RBMS2: variants seen among roughly 807,000 people sequenced by gnomAD.
RBMS2 encodes the protein RNA-binding motif, single-stranded-interacting protein 2.
RBMS2 carries 38 observed loss-of-function variants against 58.4 expected under a neutral mutation model. The observed-to-expected ratio is 0.65, with a 90% confidence interval of 0.50 to 0.85. RBMS2 has a LOEUF of 0.85. Among genes scored for constraint, RBMS2 ranks in the 40% least tolerant of loss-of-function variants. RBMS2 has a pLI of 0.00. For synonymous variants in RBMS2, 151 were observed against 180.7 expected, an observed-to-expected ratio of 0.84 and a Z score of 1.32; for missense variants, 367 against 503.7, an observed-to-expected ratio of 0.73 and a Z score of 2.60.
intron 5 of RBMS2, among the ~76,000 whole-genome samples, chr12:56,572,118 G>A (rs1882395884): frequency 6.6e-6 from 1 of 151,700 alleles, no homozygotes; most frequent in Admixed American, 6.6e-5. Context: ...GTGAAACCCC[G>A]TCTCTACTAA....
intron 5 of RBMS2, among the ~76,000 whole-genome samples, chr12:56,574,998 A>G (rs1393564590): frequency 6.6e-6 from 1 of 151,878 alleles, no homozygotes; most frequent in African/African-American, 2.4e-5. Flanking sequence ...AATACAAAAA[A>G]TTAGCCGGGC....
rs1277699323 is a variant in RBMS2 at position 56,593,097 on chromosome 12, T to C, written c.*3964T>C. 1 of 151,476 alleles carries C rather than the reference T, an allele frequency of 6.6e-6. No individual in the cohort carries two copies. The highest frequency in any genetic ancestry group is 6.6e-5 in the Admixed American group (1 of 15,220). 9.4% of individuals were successfully genotyped at this position (151,476 alleles called of 1,614,324 possible). On this transcript the variant is annotated 3_prime_UTR_variant, in exon 14 of 14. Coordinates refer to ENST00000262031, the MANE Select transcript of RBMS2 (RefSeq NM_002898.4). ...CTATGATTACAGGTGTGAGCCTCCA[T>C]GCTTGGATGAGATGTTGTTTTTAAT...
chr12:56,586,774 TG>T, intron 9 of RBMS2, 74 bp from the exon 10 acceptor site: 1 of 1,297,216 alleles, frequency 7.7e-7, no homozygotes, highest in Non-Finnish European at 1.1e-6. Flanking sequence ...TTCTGAGCTT[TG>T]TTGAACATTA....
rs1885370439 is a variant in RBMS2 at position 56,592,500 on chromosome 12, A to C, written c.*3367A>C. The C allele has an allele frequency of 6.6e-6, 1 of 151,896 alleles. No individual in the cohort carries two copies. The highest frequency in any genetic ancestry group is 1.5e-5 in the Non-Finnish European group (1 of 67,984). 9.4% of individuals were successfully genotyped at this position (151,896 alleles called of 1,614,324 possible). ...GGAAGATGTGGAGATGATGATGGAG[A>C]GAGATGTTTTTATTTTATTTTATTT... On this transcript the variant is annotated 3_prime_UTR_variant, in exon 14 of 14. Transcript: ENST00000262031.
intron 9 of RBMS2, among the ~76,000 whole-genome samples, chr12:56,583,748 C>G (rs1884296761): frequency 6.6e-6 from 1 of 152,030 alleles, no homozygotes; most frequent in South Asian, 2.1e-4. Context: ...TGAATTTAAC[C>G]ATTTCATTTG....
chr12:56,583,923 G>T (rs1884319165), intron 9 of RBMS2, among the ~76,000 whole-genome samples: 1 of 152,116 alleles, frequency 6.6e-6, no homozygotes, highest in Non-Finnish European at 1.5e-5. Flanking sequence ...TTTTTTGGCT[G>T]TTGAATTTGT....
At chr12:56,560,366 T>C (rs1266909028) in intron 1 of RBMS2, among the ~76,000 whole-genome samples, 1 of 151,610 alleles carries the variant, frequency 6.6e-6, no homozygotes, top group African/African-American at 2.4e-5. Context: ...ACACCATTCT[T>C]CTGCCTCAGC....
rs1177716279 is a variant in RBMS2 at position 56,589,448 on chromosome 12, T to C, written c.*315T>C. On this transcript the variant is annotated 3_prime_UTR_variant, in exon 14 of 14. Transcript: ENST00000262031. ...AACTGCAACGTACTTTTCCCCTACC[T>C]TGAAGAGACATGGTGGTCGCAGCTT... 2 of 437,006 alleles carry C rather than the reference T, an allele frequency of 4.6e-6. No individual in the cohort carries two copies. The highest frequency in any genetic ancestry group is 4.2e-5 in the African/African-American group (2 of 47,314). The allele number at this position is 437,006 out of a possible 1,614,324, so 27.1% of individuals were successfully genotyped here.
intron 1 of RBMS2, among the ~76,000 whole-genome samples, chr12:56,559,623 G>A (rs1879984704): frequency 1.3e-5 from 2 of 150,082 alleles, no homozygotes; most frequent in Admixed American, 6.6e-5. Context: ...AGGCCAAGAC[G>A]GGCGGATCAC....
At position 56,595,595 on chromosome 12, in the gene RBMS2, A is replaced by C. The variant is rs939053936; in HGVS notation, c.*6462A>C. On this transcript the variant is annotated 3_prime_UTR_variant, in exon 14 of 14. Coordinates refer to ENST00000262031, the MANE Select transcript of RBMS2 (RefSeq NM_002898.4). ...TTTTTTTTTTTAAATAAAACACAAA[A>C]GTCTACGTCTTGGTGTCTTATCCGT... 6.6e-6 allele frequency: 1 copy of C among 151,900 alleles called. No individual in the cohort carries two copies. The highest frequency in any genetic ancestry group is 1.5e-5 in the Non-Finnish European group (1 of 67,982). 9.4% of individuals were successfully genotyped at this position (151,900 alleles called of 1,614,324 possible). A position where few individuals can be genotyped will look rare whatever the true frequency, so the allele number is the denominator to read the frequency against.
intron 5 of RBMS2, chr12:56,580,326 A>C (rs1295087046): frequency 7.5e-6 from 3 of 401,472 alleles, no homozygotes; most frequent in South Asian, 5.2e-5. Context: ...TCTGCCTCCC[A>C]GGTTCAAGCG....
At position 56,549,603 on chromosome 12, in the gene RBMS2, G is replaced by A. The variant is rs933897558; in HGVS notation, c.67-12814G>A. 3.9e-5 allele frequency among the ~76,000 whole-genome samples: 6 copies of A among 151,996 alleles called. No homozygotes were observed. The East Asian group carries it at 7.7e-4, about 20-fold the overall frequency. On this transcript the variant is annotated intron_variant, in intron 1 of 13. Coordinates refer to ENST00000262031, the MANE Select transcript of RBMS2 (RefSeq NM_002898.4). ...AGGAGTTATATATTTTTATGTCCAC[G>A]TCCCCACCAGCCTTTCCCTCAGATT... is the stretch of plus-strand genomic sequence containing the variant.
chr12:56,582,610 C>A (rs1409330700), intron 9 of RBMS2, among the ~76,000 whole-genome samples: 1 of 152,148 alleles, frequency 6.6e-6, no homozygotes, highest in African/African-American at 2.4e-5. Flanking sequence ...TTGGACTACC[C>A]TCCAAATCTA....
At chr12:56,578,217 C>T (rs1435957890) in intron 5 of RBMS2, among the ~76,000 whole-genome samples, 2 of 152,082 alleles carry the variant, frequency 1.3e-5, no homozygotes, top group African/African-American at 2.4e-5. Flanking sequence ...TAAACTCCGC[C>T]TCCCGGGTTC....
chr12:56,581,968 A>C, intron 8 of RBMS2, 89 bp downstream of exon 8: 1 of 1,577,370 alleles, frequency 6.3e-7, no homozygotes, highest in Non-Finnish European at 8.7e-7. Context: ...CTCTATTTGA[A>C]AGTCAAGGGA....
At chr12:56,523,491 G>T (rs1298173635) in intron 1 of RBMS2, among the ~76,000 whole-genome samples, 1 of 152,138 alleles carries the variant, frequency 6.6e-6, no homozygotes, top group Non-Finnish European at 1.5e-5. Context: ...CTTTAAAAAA[G>T]AAATGAGGCT....
chr12:56,534,162 A>T (rs1383201794), intron 1 of RBMS2, among the ~76,000 whole-genome samples: 2 of 150,240 alleles, frequency 1.3e-5, no homozygotes, highest in Non-Finnish European at 3.0e-5. Context: ...TTCACGATTC[A>T]TTCATGTTGC....
chr12:56,581,636 C>A, intron 7 of RBMS2, 128 bp downstream of exon 7: 1 of 1,161,714 alleles, frequency 8.6e-7, no homozygotes, highest in Non-Finnish European at 1.2e-6. Flanking sequence ...GAAATGCTGG[C>A]TGTGAACATA....
chr12:56,561,572 T>A (rs1273213178), intron 1 of RBMS2, among the ~76,000 whole-genome samples: 1 of 152,122 alleles, frequency 6.6e-6, no homozygotes, highest in Non-Finnish European at 1.5e-5. Flanking sequence ...AGTGGCGTGA[T>A]CTCGGCTCAC....
Sources: gnomAD v4.1 joint callset for allele counts (sites outside exome capture counted in the v4.1 genomes callset) on GRCh38, gnomAD v4.1.1 for gene constraint, MANE v1.5 for transcripts, NCBI Gene and HGNC (gene_info 2026-07-23, HGNC 2026-07-21) for gene names.